ZSWIM6: variants seen among roughly 807,000 people sequenced by gnomAD.
ZSWIM6 encodes the protein zinc finger SWIM domain-containing protein 6.
Under a neutral mutation model 113.2 loss-of-function variants are expected in ZSWIM6, and 9 were observed. The ratio of observed to expected loss-of-function variants is 0.08; its 90% CI spans 0.05 to 0.14. ZSWIM6 has a LOEUF of 0.14. Among genes scored for constraint, ZSWIM6 ranks in the 10% least tolerant of loss-of-function variants. The probability of loss-of-function intolerance (pLI) is 1.00; values close to 1 mark genes in which losing one functional copy is unlikely to be tolerated. For synonymous variants in ZSWIM6, 611 were observed against 606.5 expected (o/e 1.01, Z -0.11); for missense variants, 1,162 against 1,552.2 (o/e 0.75, Z 4.22).
chr5:61,356,065 T>C (rs554053673), intron 1 of ZSWIM6, among the ~76,000 whole-genome samples: 1 of 152,224 alleles, frequency 6.6e-6, no homozygotes, highest in Non-Finnish European at 1.5e-5. Flanking sequence ...GTAGTGATTC[T>C]TAAACCTTAG....
intron 1 of ZSWIM6, among the ~76,000 whole-genome samples, chr5:61,398,912 GTTTTT>G (rs57439648): frequency 2.9e-4 from 18 of 61,784 alleles, no homozygotes; most frequent in African/African-American, 9.6e-4. Context: ...GTGTATAGTT[GTTTTT>G]TTTTTTTTTT....
At position 61,475,579 on chromosome 5, in the gene ZSWIM6, C is replaced by T. The variant is rs527894843; in HGVS notation, c.1033+2542C>T. ...AGCAGCAAACTTGAGCAGTTTATCC[C>T]GCCAGCTTTCTCTTCACTTAATTTA... On this transcript the variant is annotated intron_variant, in intron 2 of 13. Coordinates refer to ENST00000252744, the MANE Select transcript of ZSWIM6 (RefSeq NM_020928.2). Among the ~76,000 whole-genome samples the T allele has an allele frequency of 1.4e-4, 22 of 152,220 alleles. No individual in the cohort carries two copies. In the East Asian group the frequency reaches 2.3e-3, roughly 16 times the overall value.
chr5:61,472,567 C>T lies in ZSWIM6; in HGVS notation c.677-114C>T. ...GAATGTTTTTACTTGAATATAGAGGCTGTCATATTTTTTTCTTGCTGCTGT... is the reference window on the plus strand; with the variant it reads ...GAATGTTTTTACTTGAATATAGAGGTTGTCATATTTTTTTCTTGCTGCTGT... On this transcript the variant is annotated intron_variant, in intron 1 of 13. Transcript: ENST00000252744. This position sits in a 1 kb window ranked among gnomAD's most constrained non-coding sequence, Gnocchi z 4.1. 1.4e-6 allele frequency: 1 copy of T among 739,412 alleles called. No individual in the cohort carries two copies. Among genetic ancestry groups the T allele is most frequent in the Non-Finnish European group, 2.1e-6 (1 of 479,188 alleles). 45.8% of individuals were successfully genotyped at this position (739,412 alleles called of 1,614,324 possible). A position where few individuals can be genotyped will look rare whatever the true frequency, so the allele number is the denominator to read the frequency against.
chr5:61,511,529 G>A (rs1748787476), intron 4 of ZSWIM6, among the ~76,000 whole-genome samples: 1 of 152,112 alleles, frequency 6.6e-6, no homozygotes, highest in Non-Finnish European at 1.5e-5. Context: ...GGGCCCTTGG[G>A]AGGTGATCAG....
At chr5:61,339,320 C>T (rs1430694480) in intron 1 of ZSWIM6, among the ~76,000 whole-genome samples, 1 of 152,080 alleles carries the variant, frequency 6.6e-6, no homozygotes, top group Non-Finnish European at 1.5e-5. Context: ...GCGGGAGAAT[C>T]GCTTGAACCT....
chr5:61,424,441 G>A lies in ZSWIM6; in HGVS notation c.677-48240G>A, dbSNP rs555807482. 5.3e-5 allele frequency among the ~76,000 whole-genome samples: 8 copies of A among 152,268 alleles called. No homozygotes were observed. In the East Asian group the frequency reaches 1.2e-3, roughly 22 times the overall value. On this transcript the variant is annotated intron_variant, in intron 1 of 13. Transcript: ENST00000252744. ...TTCTGAGGTGGGAAATAGAGAAGCC[G>A]GGGCTCAGACCCTGGTCTCGCCTAG... is the stretch of plus-strand genomic sequence containing the variant.
At chr5:61,389,164 T>G (rs1443136975) in intron 1 of ZSWIM6, among the ~76,000 whole-genome samples, 1 of 152,134 alleles carries the variant, frequency 6.6e-6, no homozygotes, top group Non-Finnish European at 1.5e-5. Context: ...GGGGCTTATC[T>G]TTTTGGGAAG....
chr5:61,356,749 A>G (rs1243576102), intron 1 of ZSWIM6, among the ~76,000 whole-genome samples: 2 of 139,572 alleles, frequency 1.4e-5, no homozygotes, highest in Admixed American at 7.6e-5. Flanking sequence ...TTATATATAT[A>G]TATTATATAT....
At chr5:61,518,224 T>C (rs924169943) in intron 4 of ZSWIM6, among the ~76,000 whole-genome samples, 7 of 152,098 alleles carry the variant, frequency 4.6e-5, no homozygotes, top group African/African-American at 1.7e-4. Flanking sequence ...GTCTTTGCTA[T>C]TGTGAATAAT....
At chr5:61,455,181 A>G (rs974540121) in intron 1 of ZSWIM6, among the ~76,000 whole-genome samples, 10 of 152,214 alleles carry the variant, frequency 6.6e-5, no homozygotes, top group African/African-American at 2.4e-4. Flanking sequence ...CCTTGTTAAT[A>G]TTAGCAGTAG....
At chr5:61,477,709 C>T (rs921342858) in intron 2 of ZSWIM6, among the ~76,000 whole-genome samples, 2 of 152,202 alleles carry the variant, frequency 1.3e-5, no homozygotes, top group African/African-American at 4.8e-5. Context: ...CAAATCTATT[C>T]AGCAGTCCCA....
rs898782799 is a variant in ZSWIM6 at position 61,543,854 on chromosome 5, A to G, written c.3185A>G (p.Asn1062Ser). The G allele has an allele frequency of 5.8e-6, 9 of 1,551,754 alleles. No individual in the cohort carries two copies. Among genetic ancestry groups the G allele is most frequent in the Admixed American group, 2.0e-5 (1 of 50,986 alleles). ...LAMTHLNLSY[N>S]QDTHPAINDV... ...ATGACCCATCTCAACCTGAGCTACA[A>G]TCAGGACACACACCCTGCCATTAAT... is the stretch of plus-strand genomic sequence containing the variant. The change falls in exon 14 of 14, where the codon AAT becomes AGT. Residue 1062 changes from asparagine to serine, a missense_variant. Physicochemically the swap from Asn to Ser is conservative, Grantham distance 46 (BLOSUM62 1). This residue lies in a region of ZSWIM6 where 113 missense variants were observed against 213.8 expected (regional missense o/e 0.53). Coordinates refer to ENST00000252744, the MANE Select transcript of ZSWIM6 (RefSeq NM_020928.2). The surrounding 1 kb of genome is among the most constrained non-coding windows in gnomAD (Gnocchi z 4.3).
At chr5:61,410,309 CTTTTTTTT>C (rs532542169) in intron 1 of ZSWIM6, among the ~76,000 whole-genome samples, 1 of 130,002 alleles carries the variant, frequency 7.7e-6, no homozygotes, top group African/African-American at 2.8e-5. Context: ...GATGTATTTC[CTTTTTTTT>C]TTTTTTTTTT....
intron 4 of ZSWIM6, among the ~76,000 whole-genome samples, chr5:61,510,019 C>G (rs1301327860): frequency 6.6e-6 from 1 of 151,826 alleles, no homozygotes; most frequent in Non-Finnish European, 1.5e-5. Flanking sequence ...AGCAAGAACA[C>G]TCAAGTCTAA....
intron 12 of ZSWIM6, 115 bp downstream of exon 12, chr5:61,539,874 C>T: frequency 9.6e-7 from 1 of 1,042,214 alleles, no homozygotes; most frequent in South Asian, 1.7e-5. Context: ...CTTTGGAGTA[C>T]AAATCTGTTA....
At chr5:61,539,519 T>C in intron 11 of ZSWIM6, 77 bp from the exon 12 acceptor site, 1 of 1,465,566 alleles carries the variant, frequency 6.8e-7, no homozygotes, top group Non-Finnish European at 9.1e-7. Flanking sequence ...GTGTGTATGG[T>C]TGTATGATTT....
chr5:61,450,954 G>T (rs986476672), intron 1 of ZSWIM6, among the ~76,000 whole-genome samples: 2 of 152,122 alleles, frequency 1.3e-5, no homozygotes, highest in Non-Finnish European at 2.9e-5. Flanking sequence ...TTTATTTAAG[G>T]ATAATGTGGT....
chr5:61,364,795 T>G (rs1745116528), intron 1 of ZSWIM6, among the ~76,000 whole-genome samples: 1 of 152,198 alleles, frequency 6.6e-6, no homozygotes, highest in Non-Finnish European at 1.5e-5. Context: ...ATCCCATTCA[T>G]GAGGGTTCTG....
At chr5:61,471,388 A>G (rs1747567279) in intron 1 of ZSWIM6, among the ~76,000 whole-genome samples, 1 of 152,186 alleles carries the variant, frequency 6.6e-6, no homozygotes, top group South Asian at 2.1e-4. Flanking sequence ...ATGTAGGGAA[A>G]GAGAGCATGG....
Sources: gnomAD v4.1 joint callset for allele counts (sites outside exome capture counted in the v4.1 genomes callset) on GRCh38, gnomAD v4.1.1 for gene constraint, gnomAD v4.1.1 regional missense constraint, Gnocchi (gnomAD v3.1) non-coding constraint, MANE v1.5 for transcripts, NCBI Gene and HGNC (gene_info 2026-07-23, HGNC 2026-07-21) for gene names.